The following DGKE variants were observed in gnomAD, a reference collection of about 807,000 sequenced individuals.
The protein encoded by DGKE is DAG kinase epsilon.
Under a neutral mutation model 70.0 loss-of-function variants are expected in DGKE, and 53 were observed. That is an observed-to-expected ratio of 0.76 (90% CI 0.61 to 0.95). DGKE has a LOEUF of 0.95. Among genes scored for constraint, DGKE ranks in the 40% least tolerant of loss-of-function variants. The probability of loss-of-function intolerance (pLI) is 0.00; values close to 1 mark genes in which losing one functional copy is unlikely to be tolerated. For synonymous variants in DGKE, 291 were observed against 257.0 expected, an observed-to-expected ratio of 1.13 and a Z score of -1.27; for missense variants, 655 against 706.9, an observed-to-expected ratio of 0.93 and a Z score of 0.83.
intron 7 of DGKE, among the ~76,000 whole-genome samples, chr17:56,852,625 G>T (rs559221316): frequency 6.6e-6 from 1 of 151,980 alleles, no homozygotes. Flanking sequence ...AAAATTGAAC[G>T]TAAAAAAATA....
chr17:56,843,929 T>C (rs1161466675), intron 2 of DGKE, 90 bp from the exon 3 acceptor site: 2 of 1,286,534 alleles, frequency 1.6e-6, no homozygotes, highest in Non-Finnish European at 2.1e-6. Flanking sequence ...TAAAATTATG[T>C]TTTATTTTTT....
intron 3 of DGKE, among the ~76,000 whole-genome samples, chr17:56,844,658 T>C (rs572108310): frequency 1.1e-3 from 172 of 152,282 alleles, no homozygotes; most frequent in South Asian, 2.9e-3. Flanking sequence ...CACACCTTTT[T>C]CTAAAACTAT....
intron 7 of DGKE, among the ~76,000 whole-genome samples, chr17:56,853,002 CAG>C (rs1424703335): frequency 7.9e-5 from 12 of 152,160 alleles, no homozygotes; most frequent in Admixed American, 2.6e-4. Context: ...AGTGTCATGT[CAG>C]TGTTCAAAAA....
intron 9 of DGKE, among the ~76,000 whole-genome samples, 173 bp downstream of exon 9, chr17:56,858,838 C>T (rs1241792923): frequency 6.6e-6 from 1 of 152,182 alleles, no homozygotes; most frequent in Non-Finnish European, 1.5e-5. Flanking sequence ...CCTCTAAATT[C>T]TCTCCACAAT....
At chr17:56,835,546 G>A in intron 2 of DGKE, 4 of 460,346 alleles carry the variant, frequency 8.7e-6, no homozygotes, top group Non-Finnish European at 1.1e-5. Context: ...CCTGCTTCAT[G>A]GCCACTGTAT....
chr17:56,859,256 C>T (rs1379268501), intron 9 of DGKE, among the ~76,000 whole-genome samples: 6 of 150,992 alleles, frequency 4.0e-5, no homozygotes, highest in Admixed American at 1.3e-4. Context: ...ACCCGGGAGG[C>T]GGAGCTTGCA....
At chr17:56,861,605 T>A (rs535752762) in intron 9 of DGKE, among the ~76,000 whole-genome samples, 186 bp from the exon 10 acceptor site, 46 of 152,254 alleles carry the variant, frequency 3.0e-4, no homozygotes, top group Non-Finnish European at 6.3e-4. Flanking sequence ...TTGATGTTGA[T>A]AGAAGCAGTT....
At chr17:56,858,339 A>G (rs1908078421) in intron 8 of DGKE, among the ~76,000 whole-genome samples, 1 of 152,220 alleles carries the variant, frequency 6.6e-6, no homozygotes, top group South Asian at 2.1e-4. Context: ...TTTTGATTAT[A>G]GATTTCCATT....
rs1449409275 is a variant in DGKE at position 56,868,516 on chromosome 17, C to G, written c.*5725C>G. On this transcript the variant is annotated 3_prime_UTR_variant, in exon 12 of 12. Coordinates refer to ENST00000284061, the MANE Select transcript of DGKE (RefSeq NM_003647.3). ...GCTGGCCTCTTGCACTTTCCCCTGC[C>G]CACCACTTGTAACTACCACTTAATT... The G allele has an allele frequency of 6.6e-6, 1 of 152,250 alleles. No homozygotes were observed. The highest frequency in any genetic ancestry group is 2.4e-5 in the African/African-American group (1 of 41,446). 9.4% of individuals were successfully genotyped at this position (152,250 alleles called of 1,614,324 possible).
In DGKE at chr17:56,861,909, C is replaced by T; in HGVS notation, c.1403C>T (p.Pro468Leu). 1.9e-6 allele frequency: 3 copies of T among 1,607,786 alleles called. No homozygotes were observed. Among genetic ancestry groups the T allele is most frequent in the Non-Finnish European group, 2.5e-6 (3 of 1,178,510 alleles). Residue 468 changes from proline (P) to leucine (L), a missense_variant, in exon 10 of 12, where the codon CCT becomes CTT. Transcript: ENST00000284061. ...GAAGGGATGGGGGACGAGACTTACC[C>T]TCTAGCCAGGTATGTACATTTGTGG... ...LWEGMGDETY[P>L]LARHDDGLLE...
intron 7 of DGKE, among the ~76,000 whole-genome samples, chr17:56,855,275 G>A (rs773656589): frequency 1.3e-5 from 2 of 151,886 alleles, no homozygotes; most frequent in Non-Finnish European, 1.5e-5. Context: ...AGAGATGAAC[G>A]GGAAAAGCAT....
chr17:56,854,347 G>T (rs954839032), intron 7 of DGKE, among the ~76,000 whole-genome samples: 1 of 151,924 alleles, frequency 6.6e-6, no homozygotes, highest in East Asian at 1.9e-4. Context: ...TTGAGACGGG[G>T]TCTCATTTGA....
In DGKE at chr17:56,862,621, A is replaced by G; in HGVS notation, c.1534A>G (p.Lys512Glu). Residue 512 changes from lysine (K) to glutamate (E), a missense_variant, in exon 12 of 12, where the codon AAG (lysine) becomes GAG (glutamate). Physicochemically the swap from Lys to Glu is moderately conservative, Grantham distance 56. Transcript: ENST00000284061. ...GQAHTVRLIL[K>E]CSMMPMQVDG... ...TGTTCCCTAATATCAGCTGATTTTG[A>G]AGTGCTCCATGATGCCAATGCAGGT... is the stretch of plus-strand genomic sequence containing the variant. The G allele has an allele frequency of 6.5e-7, 1 of 1,549,790 alleles. No homozygotes were observed. Among genetic ancestry groups the G allele is most frequent in the Non-Finnish European group, 8.6e-7 (1 of 1,156,336 alleles).
chr17:56,852,747 G>A (rs1907731148), intron 7 of DGKE, among the ~76,000 whole-genome samples: 1 of 152,168 alleles, frequency 6.6e-6, no homozygotes. Context: ...TTTGATAGTA[G>A]CCAATCTAAT....
At chr17:56,847,797 TTG>T (rs1292226627) in intron 4 of DGKE, 123 bp from the exon 5 acceptor site, 2 of 567,914 alleles carry the variant, frequency 3.5e-6, no homozygotes, top group African/African-American at 3.9e-5. Context: ...GCCTGGCATA[TTG>T]TTAAATACAT....
chr17:56,862,782 G>A lies in DGKE; in HGVS notation c.1695G>A (p.Ala565=), dbSNP rs775303853. Residue 565 remains alanine, a synonymous_variant, in exon 12 of 12, where the codon GCG becomes GCA. Coordinates refer to ENST00000284061, the MANE Select transcript of DGKE (RefSeq NM_003647.3). The part of the protein sequence containing the change: ...SSTSDQEDIK[A]TE ...CTTCGGATCAAGAAGATATAAAGGCGACTGAATAGATGGATGAGGGAGTGA... is the reference window on the plus strand; with the variant it reads ...CTTCGGATCAAGAAGATATAAAGGCAACTGAATAGATGGATGAGGGAGTGA... 25 of 1,568,044 alleles carry A rather than the reference G, an allele frequency of 1.6e-5. No individual in the cohort carries two copies. The highest frequency in any genetic ancestry group is 6.0e-5 in the Admixed American group (3 of 49,656).
intron 9 of DGKE, among the ~76,000 whole-genome samples, chr17:56,860,032 T>G (rs1908198326): frequency 6.6e-6 from 1 of 152,176 alleles, no homozygotes; most frequent in South Asian, 2.1e-4. Context: ...TTCCTAGGCT[T>G]TGATGGTAGA....
At chr17:56,854,018 G>A (rs1374455377) in intron 7 of DGKE, among the ~76,000 whole-genome samples, 9 of 148,634 alleles carry the variant, frequency 6.1e-5, no homozygotes, top group Non-Finnish European at 1.3e-4. Flanking sequence ...TGTCATTCTC[G>A]GCAACATAGC....
Position 56,858,253 on chromosome 17 carries a change from G to A in DGKE, c.1213-341G>A, listed in dbSNP as rs1908072495. Among the ~76,000 whole-genome samples the A allele has an allele frequency of 2.0e-5, 3 of 152,224 alleles. No homozygotes were observed. In the South Asian group the frequency reaches 6.2e-4, roughly 32 times the overall value. The stretch of plus-strand genomic sequence containing the variant: ...AACTTTTAAACTATTAATAGCCTAA[G>A]AGAATAAAATGTAAAATACAAATGA... On this transcript the variant is annotated intron_variant, in intron 8 of 11. Coordinates refer to ENST00000284061, the MANE Select transcript of DGKE (RefSeq NM_003647.3).
Sources: gnomAD v4.1 joint callset for allele counts (sites outside exome capture counted in the v4.1 genomes callset) on GRCh38, gnomAD v4.1.1 for gene constraint, MANE v1.5 for transcripts, NCBI Gene and HGNC (gene_info 2026-07-23, HGNC 2026-07-21) for gene names.